VPS13A: variants seen among roughly 807,000 people sequenced by gnomAD.
The protein encoded by VPS13A is vacuolar protein sorting 13 homolog A, also known as intermembrane lipid transfer protein VPS13A.
A neutral mutation model predicts 390.9 loss-of-function variants in VPS13A; 264 were observed. The ratio of observed to expected loss-of-function variants is 0.68; its 90% CI spans 0.61 to 0.75. The LOEUF is 0.75. Among genes scored for constraint, VPS13A ranks in the 30% least tolerant of loss-of-function variants. The probability of loss-of-function intolerance (pLI) is 0.00; values close to 1 mark genes in which losing one functional copy is unlikely to be tolerated. For synonymous variants in VPS13A, 1,231 were observed against 1,227.1 expected (o/e 1.00, Z -0.07); for missense variants, 3,409 against 3,733.9 (o/e 0.91, Z 2.27).
At chr9:77,319,508 G>T (rs1829612093) in intron 41 of VPS13A, 64 bp from the exon 42 acceptor site, 2 of 1,109,428 alleles carry the variant, frequency 1.8e-6, no homozygotes, top group South Asian at 1.3e-5. Context: ...AAATAACAGG[G>T]CTAAAAAACA....
intron 52 of VPS13A, among the ~76,000 whole-genome samples, chr9:77,346,526 T>C (rs181591504): frequency 9.4e-4 from 143 of 152,328 alleles, no homozygotes; most frequent in African/African-American, 3.2e-3. Flanking sequence ...AGCTTTTTAG[T>C]TTAATTAGGT....
At chr9:77,367,323 A>AT (rs1422293424) in intron 61 of VPS13A, among the ~76,000 whole-genome samples, 1 of 152,172 alleles carries the variant, frequency 6.6e-6, no homozygotes, top group African/African-American at 2.4e-5. Flanking sequence ...ATGAGTCATA[A>AT]TGAAGCTTAT....
At chr9:77,281,286 G>A (rs1827010380) in intron 27 of VPS13A, among the ~76,000 whole-genome samples, 1 of 151,326 alleles carries the variant, frequency 6.6e-6, no homozygotes, top group Non-Finnish European at 1.5e-5. Flanking sequence ...CCAAGAAAGT[G>A]AATTTCAAAT....
chr9:77,365,377 T>G, intron 59 of VPS13A, 83 bp from the exon 60 acceptor site: 8 of 843,228 alleles, frequency 9.5e-6, no homozygotes, highest in Middle Eastern at 2.7e-4. Context: ...TATAGAAGAG[T>G]TTTGGCAGTG....
At position 77,331,914 on chromosome 9, in the gene VPS13A, T is replaced by C. The variant is rs1830295551; in HGVS notation, c.5992-96T>C. 7 of 795,342 alleles carry C rather than the reference T, an allele frequency of 8.8e-6. No homozygotes were observed. In the Admixed American group the frequency reaches 1.3e-4, roughly 15 times the overall value. The allele number at this position is 795,342 out of a possible 1,614,324, so 49.3% of individuals were successfully genotyped here. On this transcript the variant is annotated intron_variant, in intron 45 of 71. Coordinates refer to ENST00000360280, the MANE Select transcript of VPS13A (RefSeq NM_033305.3). The stretch of plus-strand genomic sequence containing the variant: ...AAGCAAGATGAATATTGCCTGATAG[T>C]TCCTTTGTTAAGATAGTTACATGGA...
chr9:77,357,316 CAAAA>C lies in VPS13A; in HGVS notation c.7807-353_7807-350del, dbSNP rs1156801817. Among the ~76,000 whole-genome samples, 13 of 44,608 alleles carry C rather than the reference CAAAA, an allele frequency of 2.9e-4. No individual in the cohort carries two copies. In the Admixed American group the frequency reaches 3.3e-3, roughly 11 times the overall value. The allele number at this position is 44,608 out of a possible 152,430, so 29.3% of individuals were successfully genotyped here. A position where few individuals can be genotyped will look rare whatever the true frequency, so the allele number is the denominator to read the frequency against. On this transcript the variant is annotated intron_variant, in intron 55 of 71. Coordinates refer to ENST00000360280, the MANE Select transcript of VPS13A (RefSeq NM_033305.3). Reference sequence around the variant, plus strand: ...CCTGGCTGACAGCAAGACTCTGTCTCAAAAAAAAAAAAAAAAAAAAAAAAAAGAA... The same window carrying C: ...CCTGGCTGACAGCAAGACTCTGTCTCAAAAAAAAAAAAAAAAAAAAAAGAA...
At chr9:77,261,589 AT>A (rs1029240700) in intron 23 of VPS13A, among the ~76,000 whole-genome samples, 69 of 140,352 alleles carry the variant, frequency 4.9e-4, no homozygotes, top group African/African-American at 7.8e-4. Context: ...AAAAAAAAAA[AT>A]TTTTTTTTTT....
intron 68 of VPS13A, among the ~76,000 whole-genome samples, chr9:77,400,456 G>T (rs1834330671): frequency 6.6e-6 from 1 of 151,812 alleles, no homozygotes; most frequent in Admixed American, 6.6e-5. Flanking sequence ...TTCAGTAGTG[G>T]TTAAGTTCTA....
At chr9:77,362,840 A>G (rs1313912973) in intron 59 of VPS13A, among the ~76,000 whole-genome samples, 2 of 152,134 alleles carry the variant, frequency 1.3e-5, no homozygotes, top group African/African-American at 4.8e-5. Context: ...TTTTCATTAA[A>G]TTTATTCCTA....
chr9:77,371,230 CA>C, intron 67 of VPS13A, 81 bp downstream of exon 67: 1 of 1,582,724 alleles, frequency 6.3e-7, no homozygotes, highest in Non-Finnish European at 8.6e-7. Flanking sequence ...TGGCTTCAGG[CA>C]TTTAGTTATT....
intron 46 of VPS13A, among the ~76,000 whole-genome samples, chr9:77,336,683 A>G (rs533632490): frequency 2.6e-5 from 3 of 115,862 alleles, no homozygotes. Flanking sequence ...GTATTTTTAT[A>G]TGAAACCATT....
intron 68 of VPS13A, chr9:77,382,743 T>C: frequency 1.0e-6 from 1 of 986,306 alleles, no homozygotes; most frequent in Non-Finnish European, 1.2e-6. Context: ...TTTATTCTAG[T>C]GTAGTCTTTA....
intron 21 of VPS13A, among the ~76,000 whole-genome samples, chr9:77,250,545 A>C (rs1825096964): frequency 6.6e-6 from 1 of 152,200 alleles, no homozygotes; most frequent in African/African-American, 2.4e-5. Context: ...AAATATCAGT[A>C]GTGCTGAGGT....
At chr9:77,395,506 G>A (rs1032511459) in intron 68 of VPS13A, among the ~76,000 whole-genome samples, 2 of 152,200 alleles carry the variant, frequency 1.3e-5, no homozygotes, top group African/African-American at 4.8e-5. Context: ...TTAACAAAAT[G>A]TGACTTAGAG....
chr9:77,240,478 GTT>G (rs11351060), intron 19 of VPS13A, among the ~76,000 whole-genome samples: 26,483 of 125,534 alleles, frequency 0.21, 2,368 homozygotes, highest in African/African-American at 0.25. Context: ...TTATGTTTTT[GTT>G]TTTTTTTTTT....
At chr9:77,402,756 C>CTTTA (rs1377811377) in intron 68 of VPS13A, among the ~76,000 whole-genome samples, 1 of 152,090 alleles carries the variant, frequency 6.6e-6, no homozygotes, top group Non-Finnish European at 1.5e-5. Flanking sequence ...ACTCTCTGCT[C>CTTTA]TTTATTTTTT....
At chr9:77,190,499 C>T (rs1206805059) in intron 1 of VPS13A, among the ~76,000 whole-genome samples, 5 of 152,122 alleles carry the variant, frequency 3.3e-5, no homozygotes, top group Non-Finnish European at 7.4e-5. Context: ...AAGATTTTTG[C>T]ATTTATGTTA....
chr9:77,178,259 G>T, intron 1 of VPS13A: 1 of 165,500 alleles, frequency 6.0e-6, no homozygotes, highest in Non-Finnish European at 1.3e-5. Context: ...CGTGTTGCAT[G>T]CTGCCTCGCA....
In VPS13A at chr9:77,404,667, C is replaced by A. The variant is rs148818060; in HGVS notation, c.9276-1197C>A. Among the ~76,000 whole-genome samples, 651 of 152,298 alleles carry A rather than the reference C, an allele frequency of 4.3e-3. 4 individuals carry two copies. The highest frequency in any genetic ancestry group is 0.01 in the South Asian group (50 of 4,830). ...ACACAGTGGACCTCTTTAGATGAGG[C>A]CATGGTGCCTTGACAGAATAAGGGA... On this transcript the variant is annotated intron_variant, in intron 69 of 71. Coordinates refer to ENST00000360280, the MANE Select transcript of VPS13A (RefSeq NM_033305.3).
Sources: gnomAD v4.1 joint callset for allele counts (sites outside exome capture counted in the v4.1 genomes callset) on GRCh38, gnomAD v4.1.1 for gene constraint, MANE v1.5 for transcripts, NCBI Gene and HGNC (gene_info 2026-07-23, HGNC 2026-07-21) for gene names.